Variants in ZNF37A observed in about 807,000 individuals in gnomAD.
The protein encoded by ZNF37A is zinc finger protein 37a (KOX 21).
In ZNF37A, 10 loss-of-function variants were observed where a neutral mutation model predicts 12.3. The ratio of observed to expected loss-of-function variants is 0.82; its 90% confidence interval spans 0.50 to 1.38. The LOEUF is 1.38. Ranked by LOEUF, ZNF37A falls within the 40% of genes most tolerant of loss-of-function variation. The pLI is 0.00. For missense variants in ZNF37A, 580 were observed against 651.2 expected (o/e 0.89, Z 1.19); for synonymous variants, 207 against 223.0 (o/e 0.93, Z 0.64).
chr10:38,148,488 A>G (rs2070282855), exon 8 of ZNF37A: 1 of 152,194 alleles, frequency 6.6e-6, no homozygotes, highest in African/African-American at 2.4e-5. Context: ...TTTATTTTTA[A>G]AGGAAATATC....
downstream of ZNF37A, among the ~76,000 whole-genome samples, chr10:38,130,291 G>A (rs1296103078): frequency 1.3e-5 from 2 of 152,104 alleles, no homozygotes; most frequent in Non-Finnish European, 2.9e-5. Context: ...TGGGCACATG[G>A]GTGATTTGTA....
intron 5 of ZNF37A, among the ~76,000 whole-genome samples, chr10:38,107,559 G>T (rs2068218765): frequency 1.3e-5 from 2 of 152,156 alleles, no homozygotes; most frequent in Admixed American, 6.5e-5. Context: ...ACACAGACTG[G>T]CAAATTGGAT....
At chr10:38,126,939 G>A (rs1230200246), downstream of ZNF37A, among the ~76,000 whole-genome samples, 1 of 152,150 alleles carries the variant, frequency 6.6e-6, no homozygotes, top group Admixed American at 6.6e-5. Flanking sequence ...CTAATAATGA[G>A]CTATTCTGCC....
chr10:38,132,856 G>A (rs2070050266), intron 7 of ZNF37A, among the ~76,000 whole-genome samples: 1 of 150,474 alleles, frequency 6.6e-6, no homozygotes, highest in South Asian at 2.1e-4. Context: ...ATCTATTTGT[G>A]ACTTTAAGTA....
At chr10:38,126,978 G>C (rs2069937275), downstream of ZNF37A, among the ~76,000 whole-genome samples, 1 of 152,112 alleles carries the variant, frequency 6.6e-6, no homozygotes, top group Admixed American at 6.6e-5. Flanking sequence ...TTAAAAACTT[G>C]GACTTGTAGG....
chr10:38,113,306 G>T (rs2068976885), intron 5 of ZNF37A, among the ~76,000 whole-genome samples: 1 of 141,590 alleles, frequency 7.1e-6, no homozygotes, highest in African/African-American at 2.6e-5. Flanking sequence ...TCTGCCTCCT[G>T]GGTGCAAGCA....
rs1368048390 is a variant in ZNF37A at position 38,120,863 on chromosome 10, A to G, written c.*2026A>G. 1.3e-5 allele frequency: 2 copies of G among 152,374 alleles called. No individual in the cohort carries two copies. The highest frequency in any genetic ancestry group is 3.9e-4 in the East Asian group (2 of 5,190). 9.4% of individuals were successfully genotyped at this position (152,374 alleles called of 1,614,324 possible). A position where few individuals can be genotyped will look rare whatever the true frequency, so the allele number is the denominator to read the frequency against. Reference sequence around the variant, plus strand: ...GAGCCTGAAAAGCTAATTTGAGAAGATAATAAGTAGGATTTTTGTTTTGTT... The same window carrying G: ...GAGCCTGAAAAGCTAATTTGAGAAGGTAATAAGTAGGATTTTTGTTTTGTT... On this transcript the variant is annotated 3_prime_UTR_variant, in exon 8 of 8. Transcript: ENST00000685332.
chr10:38,144,603 T>C (rs117846776), intron 7 of ZNF37A, among the ~76,000 whole-genome samples: 2,365 of 152,316 alleles, frequency 0.016, 33 homozygotes, highest in Non-Finnish European at 0.025. Context: ...ACCCAATGAA[T>C]ACACATGGCT....
intron 5 of ZNF37A, among the ~76,000 whole-genome samples, chr10:38,111,902 T>TCAAA (rs2068693547): frequency 6.7e-6 from 1 of 149,430 alleles, no homozygotes; most frequent in African/African-American, 2.5e-5. Flanking sequence ...CTCCAAGGTT[T>TCAAA]CTGCTGATGA....
downstream of ZNF37A, among the ~76,000 whole-genome samples, chr10:38,129,319 A>AAAAAAAAACAACAAC: frequency 3.6e-4 from 42 of 116,292 alleles, no homozygotes; most frequent in East Asian, 7.5e-3. Flanking sequence ...AAAAAAAAAA[A>AAAAAAAAACAACAAC]AAACTATTAT....
chr10:38,099,977 T>A (rs896181739), intron 5 of ZNF37A, among the ~76,000 whole-genome samples: 7 of 152,202 alleles, frequency 4.6e-5, no homozygotes, highest in African/African-American at 1.7e-4. Context: ...TCTTTTCTAT[T>A]TTCCCTAAGC....
intron 5 of ZNF37A, among the ~76,000 whole-genome samples, chr10:38,108,773 G>A (rs915097963): frequency 1.4e-4 from 21 of 152,142 alleles, no homozygotes; most frequent in African/African-American, 4.8e-4. Context: ...ACCCTCTCAA[G>A]TCTAAAGCAG....
rs2136033182 is a variant in ZNF37A, at chr10:38,118,142, G to T, written c.991G>T (p.Glu331Ter). 1 of 1,613,860 alleles carries T rather than the reference G, an allele frequency of 6.2e-7. No homozygotes were observed. The highest frequency in any genetic ancestry group is 2.2e-5 in the East Asian group (1 of 44,866). Residue 331 changes from glutamate (E) to a stop codon, truncating the protein, a stop_gained, in exon 8 of 8, where the codon GAA (glutamate) becomes TAA (stop). Transcript: ENST00000685332. LOFTEE classifies it low-confidence loss of function (END_TRUNC). ...HTGERPYGCH[E>*]CGKSFSEKST... ...AGGGGAGAGACCTTATGGATGTCAT[G>T]AATGTGGGAAATCCTTCAGTGAAAA...
chr10:38,096,989 C>T (rs2067201872), intron 5 of ZNF37A, among the ~76,000 whole-genome samples: 1 of 152,128 alleles, frequency 6.6e-6, no homozygotes, highest in South Asian at 2.1e-4. Context: ...ACTGTAATGG[C>T]CCACAAGCCT....
intron 7 of ZNF37A, chr10:38,146,709 G>A (rs953041297): frequency 9.3e-5 from 37 of 398,292 alleles, no homozygotes; most frequent in African/African-American, 7.4e-4. Flanking sequence ...CATGCACAGA[G>A]GGTCAACTTT....
chr10:38,112,762 T>TG (rs1338552586), intron 5 of ZNF37A, among the ~76,000 whole-genome samples: 3,565 of 59,892 alleles, frequency 0.06, 607 homozygotes, highest in East Asian at 0.11. Context: ...TTTCTTTTCT[T>TG]TTCTTTTCTT....
chr10:38,119,119 G>C lies in ZNF37A; in HGVS notation c.*282G>C. On this transcript the variant is annotated 3_prime_UTR_variant, in exon 8 of 8. Coordinates refer to ENST00000685332, the MANE Select transcript of ZNF37A (RefSeq NM_001324250.3). ...CATTAAACATCAGAGAATTCACACG[G>C]GGTGAAACCTGGGTCAGCATCCCTA... is the stretch of plus-strand genomic sequence containing the variant. 1 of 1,088,558 alleles carries C rather than the reference G, an allele frequency of 9.2e-7. No individual in the cohort carries two copies. Among genetic ancestry groups the C allele is most frequent in the Non-Finnish European group, 1.1e-6 (1 of 893,234 alleles). The allele number at this position is 1,088,558 out of a possible 1,614,324, so 67.4% of individuals were successfully genotyped here. A position where few individuals can be genotyped will look rare whatever the true frequency, so the allele number is the denominator to read the frequency against.
rs568048977 is a variant in ZNF37A at position 38,124,487 on chromosome 10, T to C, written c.*5650T>C. 3.3e-5 allele frequency: 5 copies of C among 152,316 alleles called. No homozygotes were observed. In the South Asian group the frequency reaches 1.0e-3, roughly 32 times the overall value. 9.4% of individuals were successfully genotyped at this position (152,316 alleles called of 1,614,324 possible). A position where few individuals can be genotyped will look rare whatever the true frequency, so the allele number is the denominator to read the frequency against. ...AACACAAAGGATAAATGCTTGAGGTTATGGATACCCCATTTACCCTGATGT... is the reference window on the plus strand; with the variant it reads ...AACACAAAGGATAAATGCTTGAGGTCATGGATACCCCATTTACCCTGATGT... On this transcript the variant is annotated 3_prime_UTR_variant, in exon 8 of 8. Coordinates refer to ENST00000685332, the MANE Select transcript of ZNF37A (RefSeq NM_001324250.3).
chr10:38,120,638 C>T lies in ZNF37A; in HGVS notation c.*1801C>T, dbSNP rs2069636780. On this transcript the variant is annotated 3_prime_UTR_variant, in exon 8 of 8. Coordinates refer to ENST00000685332, the MANE Select transcript of ZNF37A (RefSeq NM_001324250.3). ...AATGCAGCTCTGGGGGCCCTTTCCA[C>T]TTCTGGCTATAGGGAAGAACCTGAA... 1 of 151,760 alleles carries T rather than the reference C, an allele frequency of 6.6e-6. No homozygotes were observed. The highest frequency in any genetic ancestry group is 2.4e-5 in the African/African-American group (1 of 41,284). 9.4% of individuals were successfully genotyped at this position (151,760 alleles called of 1,614,324 possible).
Sources: gnomAD v4.1 joint callset for allele counts (sites outside exome capture counted in the v4.1 genomes callset) on GRCh38, gnomAD v4.1.1 for gene constraint, MANE v1.5 for transcripts, NCBI Gene and HGNC (gene_info 2026-07-23, HGNC 2026-07-21) for gene names.